Variants in GTF2E2 observed in about 807,000 individuals in gnomAD.
GTF2E2 encodes the protein transcription initiation factor IIE subunit beta.
Under a neutral mutation model 40.5 loss-of-function variants are expected in GTF2E2, and 21 were observed. The observed-to-expected ratio is 0.52, with a 90% CI of 0.37 to 0.75. GTF2E2 has a LOEUF of 0.75. GTF2E2 is among the 30% of genes least tolerant of loss of function. The probability of loss-of-function intolerance (pLI) is 0.00; values close to 1 mark genes in which losing one functional copy is unlikely to be tolerated. For missense variants in GTF2E2, 298 were observed against 338.4 expected (o/e 0.88, Z 0.94); for synonymous variants, 117 against 121.6 (o/e 0.96, Z 0.25).
intron 3 of GTF2E2, among the ~76,000 whole-genome samples, chr8:30,625,478 C>T (rs973531309): frequency 6.6e-6 from 1 of 152,104 alleles, no homozygotes; most frequent in East Asian, 1.9e-4. Context: ...ATTTCTCACA[C>T]CAGGTGATGC....
intron 2 of GTF2E2, chr8:30,645,614 A>G (rs1420339461): frequency 1.4e-5 from 21 of 1,517,912 alleles, no homozygotes; most frequent in Non-Finnish European, 1.8e-5. Context: ...ATAGAAGATG[A>G]ACAAAATCTC....
chr8:30,610,894 AT>A (rs1166962802), intron 5 of GTF2E2, among the ~76,000 whole-genome samples: 1 of 152,206 alleles, frequency 6.6e-6, no homozygotes, highest in African/African-American at 2.4e-5. Flanking sequence ...AACCTACAGA[AT>A]GGGAGAAAAT....
At chr8:30,630,477 A>C (rs1585984630) in intron 3 of GTF2E2, among the ~76,000 whole-genome samples, 1 of 152,176 alleles carries the variant, frequency 6.6e-6, no homozygotes, top group East Asian at 1.9e-4. Context: ...TATAAGGAGC[A>C]TTTCTGTTGC....
chr8:30,612,217 G>A, intron 5 of GTF2E2, 82 bp downstream of exon 5: 1 of 914,042 alleles, frequency 1.1e-6, no homozygotes, highest in Non-Finnish European at 1.7e-6. Context: ...AAAAACAATT[G>A]TAAAATGTTT....
At chr8:30,589,581 A>C (rs1366692366) in intron 6 of GTF2E2, among the ~76,000 whole-genome samples, 45 of 152,244 alleles carry the variant, frequency 3.0e-4, no homozygotes, top group Admixed American at 2.9e-3. Flanking sequence ...AATAAATTTT[A>C]AGTATAACTT....
chr8:30,622,394 CA>C (rs906712727), intron 3 of GTF2E2, among the ~76,000 whole-genome samples: 2 of 151,470 alleles, frequency 1.3e-5, no homozygotes, highest in Non-Finnish European at 2.9e-5. Flanking sequence ...AGGGAGTGTA[CA>C]AATAGGGTGT....
intron 3 of GTF2E2, among the ~76,000 whole-genome samples, chr8:30,628,408 T>G (rs1398893005): frequency 6.6e-6 from 1 of 152,214 alleles, no homozygotes; most frequent in Non-Finnish European, 1.5e-5. Flanking sequence ...AATATTCTCC[T>G]GTCAAAAGAG....
At chr8:30,615,086 C>G (rs1188560959) in intron 3 of GTF2E2, among the ~76,000 whole-genome samples, 1 of 152,000 alleles carries the variant, frequency 6.6e-6, no homozygotes. Flanking sequence ...CGAGACCAGC[C>G]TGGCCAACAT....
chr8:30,635,448 T>C (rs979113146), intron 2 of GTF2E2, among the ~76,000 whole-genome samples: 1 of 152,074 alleles, frequency 6.6e-6, no homozygotes, highest in African/African-American at 2.4e-5. Context: ...AATGGCACAA[T>C]CACAGCTCAC....
chr8:30,643,318 G>A (rs1801922227), intron 2 of GTF2E2, among the ~76,000 whole-genome samples: 1 of 152,042 alleles, frequency 6.6e-6, no homozygotes, highest in Non-Finnish European at 1.5e-5. Flanking sequence ...GAAGCAAACA[G>A]GTACAGGTAG....
chr8:30,580,943 CCT>C (rs1475109083), intron 6 of GTF2E2, among the ~76,000 whole-genome samples: 1 of 152,184 alleles, frequency 6.6e-6, no homozygotes, highest in Non-Finnish European at 1.5e-5. Flanking sequence ...TGTCTCACCT[CCT>C]CTCTGTAATA....
At chr8:30,621,395 C>T (rs1420321163) in intron 3 of GTF2E2, among the ~76,000 whole-genome samples, 1 of 152,012 alleles carries the variant, frequency 6.6e-6, no homozygotes, top group Non-Finnish European at 1.5e-5. Context: ...TATCAAGTTG[C>T]TAAGGGGAAG....
At position 30,656,165 on chromosome 8, in the gene GTF2E2, A is replaced by C. The variant is rs117623483; in HGVS notation, c.-5+1808T>G. On this transcript the variant is annotated intron_variant, in intron 1 of 7. Transcript: ENST00000355904. ...GCTAGGCAACCCACAAGGCCTCTACATTCAATTTCATAAGTGAAATGAGGA... is the reference window on the plus strand; with the variant it reads ...GCTAGGCAACCCACAAGGCCTCTACCTTCAATTTCATAAGTGAAATGAGGA... 8.7e-3 allele frequency among the ~76,000 whole-genome samples: 1,322 copies of C among 152,300 alleles called. 12 individuals carry two copies. Among genetic ancestry groups the C allele is most frequent in the Non-Finnish European group, 0.014 (956 of 68,016 alleles).
intron 6 of GTF2E2, among the ~76,000 whole-genome samples, chr8:30,580,671 C>A (rs1006385440): frequency 1.3e-5 from 2 of 152,112 alleles, no homozygotes; most frequent in African/African-American, 4.8e-5. Context: ...CTTTCCTGGG[C>A]CGTCAACACC....
intron 3 of GTF2E2, among the ~76,000 whole-genome samples, chr8:30,626,899 T>C (rs565113661): frequency 9.8e-5 from 15 of 152,376 alleles, no homozygotes; most frequent in African/African-American, 3.4e-4. Flanking sequence ...TCACAGCTAC[T>C]GGACAAGTCA....
intron 6 of GTF2E2, among the ~76,000 whole-genome samples, chr8:30,591,390 G>C (rs1458736975): frequency 6.6e-6 from 1 of 152,100 alleles, no homozygotes; most frequent in East Asian, 1.9e-4. Context: ...AGGCTGAGAA[G>C]GGAGGATTGC....
chr8:30,629,708 AAG>A (rs1801385159), intron 3 of GTF2E2, among the ~76,000 whole-genome samples: 1 of 151,044 alleles, frequency 6.6e-6, no homozygotes, highest in Non-Finnish European at 1.5e-5. Context: ...AAAAAAAAAA[AAG>A]ACTGTTGAGC....
rs763483832 is a variant in GTF2E2, at chr8:30,580,293, T to A, written c.747A>T (p.Gly249=). The part of the protein sequence containing the change: ...RQGISSMQES[G]PKKVAPIQRR... Reference sequence around the variant, plus strand: ...AGAGATTACGCACCACTTTCTTTGGTCCAGATTCCTGCATGGAAGAAATAC... The same window carrying A: ...AGAGATTACGCACCACTTTCTTTGGACCAGATTCCTGCATGGAAGAAATAC... The change falls in exon 7 of 8, where the codon GGA becomes GGT. Residue 249 remains glycine, a synonymous_variant. Coordinates refer to ENST00000355904, the MANE Select transcript of GTF2E2 (RefSeq NM_002095.6). 2 of 1,590,718 alleles carry A rather than the reference T, an allele frequency of 1.3e-6. No individual in the cohort carries two copies. The highest frequency in any genetic ancestry group is 1.7e-6 in the Non-Finnish European group (2 of 1,158,568).
At chr8:30,598,096 T>TAC (rs1829064395) in intron 6 of GTF2E2, among the ~76,000 whole-genome samples, 1 of 152,234 alleles carries the variant, frequency 6.6e-6, no homozygotes, top group Non-Finnish European at 1.5e-5. Flanking sequence ...GAATATGTAT[T>TAC]ACATATCTGT....
Sources: allele counts gnomAD v4.1 joint callset (sites outside exome capture counted in the v4.1 genomes callset), GRCh38; gene constraint gnomAD v4.1.1; transcripts MANE v1.5; gene names NCBI Gene and HGNC (gene_info 2026-07-23, HGNC 2026-07-21).